The following PTPRD variants were observed in gnomAD, a reference collection of about 807,000 sequenced individuals.
PTPRD encodes protein tyrosine phosphatase receptor type D, also known as receptor-type tyrosine-protein phosphatase delta.
A neutral mutation model predicts 214.5 loss-of-function variants in PTPRD; 34 were observed. The observed-to-expected ratio is 0.16, with a 90% CI of 0.12 to 0.21. The LOEUF is 0.21. PTPRD is among the 10% of genes least tolerant of loss of function. The pLI, the probability that PTPRD is intolerant of heterozygous loss-of-function variation, is 1.00. For synonymous variants in PTPRD, 1,128 were observed against 845.7 expected, an observed-to-expected ratio of 1.33 and a Z score of -5.79; for missense variants, 2,545 against 2,398.7, an observed-to-expected ratio of 1.06 and a Z score of -1.27.
chr9:8,765,390 T>A (rs1011470247), intron 11 of PTPRD, among the ~76,000 whole-genome samples: 2 of 152,210 alleles, frequency 1.3e-5, no homozygotes, highest in Admixed American at 6.5e-5. Context: ...CCCGCCATCT[T>A]CATTCTCTCT....
At chr9:9,157,850 A>T (rs1441877420) in intron 10 of PTPRD, among the ~76,000 whole-genome samples, 1 of 152,110 alleles carries the variant, frequency 6.6e-6, no homozygotes, top group Non-Finnish European at 1.5e-5. Context: ...TCCACTAGCT[A>T]TTCTTCCTGA....
intron 10 of PTPRD, among the ~76,000 whole-genome samples, chr9:9,039,024 T>C (rs747577199): frequency 3.3e-5 from 5 of 152,090 alleles, no homozygotes; most frequent in Non-Finnish European, 7.4e-5. Context: ...CCACAAAATA[T>C]TAAAGTAGAA....
chr9:9,831,505 C>A (rs1415127059), intron 5 of PTPRD, among the ~76,000 whole-genome samples: 1 of 151,876 alleles, frequency 6.6e-6, no homozygotes, highest in African/African-American at 2.4e-5. Context: ...CTGACAAGTA[C>A]CCTTTTATAA....
intron 9 of PTPRD, among the ~76,000 whole-genome samples, chr9:9,305,617 C>G (rs1956885921): frequency 1.3e-5 from 2 of 152,026 alleles, no homozygotes. Flanking sequence ...CCTCAGAACA[C>G]AGTGTCATTT....
At position 10,182,174 on chromosome 9, in the gene PTPRD, C is replaced by T. The variant is rs1162156217; in HGVS notation, c.-544-148384G>A. On this transcript the variant is annotated intron_variant, in intron 3 of 45. Coordinates refer to ENST00000381196, the MANE Select transcript of PTPRD (RefSeq NM_002839.4). ...ATTCGGGAGGCTGAGGCAGGAGAAT[C>T]GCTTGAACTAGGGAGGCAGAGGTTG... Among the ~76,000 whole-genome samples, 3 of 143,554 alleles carry T rather than the reference C, an allele frequency of 2.1e-5. No individual in the cohort carries two copies. In the Admixed American group the frequency reaches 2.1e-4, roughly 10 times the overall value. 94.2% of individuals were successfully genotyped at this position (143,554 alleles called of 152,430 possible).
At chr9:9,974,085 A>G (rs1020889403) in intron 4 of PTPRD, among the ~76,000 whole-genome samples, 1 of 152,218 alleles carries the variant, frequency 6.6e-6, no homozygotes, top group Non-Finnish European at 1.5e-5. Context: ...TATTTCAGGC[A>G]GCTAGAATTA....
chr9:9,578,889 C>T (rs1412526982), intron 7 of PTPRD, among the ~76,000 whole-genome samples: 2 of 152,060 alleles, frequency 1.3e-5, no homozygotes, highest in Non-Finnish European at 2.9e-5. Flanking sequence ...TTAGTAGACA[C>T]CATTTACCAA....
intron 7 of PTPRD, among the ~76,000 whole-genome samples, chr9:9,675,194 C>G (rs993293614): frequency 1.3e-5 from 2 of 151,928 alleles, no homozygotes; most frequent in Non-Finnish European, 2.9e-5. Flanking sequence ...CAAAGTATCT[C>G]ATGTGTCCTT....
At chr9:9,891,437 G>C (rs1196569503) in intron 5 of PTPRD, among the ~76,000 whole-genome samples, 1 of 151,126 alleles carries the variant, frequency 6.6e-6, no homozygotes. Context: ...TTGTCATTTA[G>C]CATGTAGAGA....
chr9:9,815,985 G>C (rs1478852261), intron 5 of PTPRD, among the ~76,000 whole-genome samples: 1 of 152,144 alleles, frequency 6.6e-6, no homozygotes, highest in African/African-American at 2.4e-5. Context: ...TTATTGCAAA[G>C]CGAAAGTACA....
intron 2 of PTPRD, among the ~76,000 whole-genome samples, chr9:10,531,045 G>A (rs917931477): frequency 1.1e-4 from 17 of 151,968 alleles, no homozygotes; most frequent in African/African-American, 4.1e-4. Flanking sequence ...CACTTCCCAG[G>A]TTCAAGTAAT....
intron 11 of PTPRD, among the ~76,000 whole-genome samples, chr9:8,803,769 A>G (rs2096618029): frequency 6.6e-6 from 1 of 151,956 alleles, no homozygotes; most frequent in Admixed American, 6.6e-5. Context: ...AAAGTACGAA[A>G]TCATGTTTGG....
At chr9:10,541,181 A>G (rs545002329) in intron 2 of PTPRD, among the ~76,000 whole-genome samples, 2 of 152,334 alleles carry the variant, frequency 1.3e-5, no homozygotes, top group South Asian at 4.1e-4. Context: ...TAAGAGTTGG[A>G]AAATGTATTC....
intron 5 of PTPRD, among the ~76,000 whole-genome samples, chr9:9,882,190 C>A (rs561870854): frequency 1.3e-5 from 2 of 152,194 alleles, no homozygotes; most frequent in Non-Finnish European, 2.9e-5. Context: ...ACATGCCCTT[C>A]ACCACCTGAA....
intron 34 of PTPRD, among the ~76,000 whole-genome samples, chr9:8,436,950 G>T (rs577929326): frequency 6.6e-6 from 1 of 152,166 alleles, no homozygotes; most frequent in Non-Finnish European, 1.5e-5. Flanking sequence ...GCGTTATTGT[G>T]CTATGAATCA....
At chr9:9,678,846 G>A (rs867346219) in intron 7 of PTPRD, among the ~76,000 whole-genome samples, 5 of 151,830 alleles carry the variant, frequency 3.3e-5, no homozygotes, top group Non-Finnish European at 7.4e-5. Context: ...ATGATCAAGG[G>A]TAGTCAGAGA....
intron 9 of PTPRD, among the ~76,000 whole-genome samples, chr9:9,341,985 T>A (rs2046984669): frequency 6.6e-6 from 1 of 152,004 alleles, no homozygotes; most frequent in African/African-American, 2.4e-5. Context: ...TTTTTTATAT[T>A]TTTAGTAGAG....
At chr9:9,891,573 C>T (rs1293086507) in intron 5 of PTPRD, among the ~76,000 whole-genome samples, 1 of 152,016 alleles carries the variant, frequency 6.6e-6, no homozygotes, top group African/African-American at 2.4e-5. Context: ...TCAGATTTAA[C>T]TATTTTTGAA....
At chr9:9,304,001 T>C (rs1206838472) in intron 9 of PTPRD, among the ~76,000 whole-genome samples, 3 of 152,160 alleles carry the variant, frequency 2.0e-5, no homozygotes, top group Non-Finnish European at 4.4e-5. Flanking sequence ...ACTCTCCAAC[T>C]GGGCTCAAGG....
Sources: allele counts gnomAD v4.1 joint callset (sites outside exome capture counted in the v4.1 genomes callset), GRCh38; gene constraint gnomAD v4.1.1; transcripts MANE v1.5; gene names NCBI Gene and HGNC (gene_info 2026-07-23, HGNC 2026-07-21).